Variants in TUSC3 observed in about 807,000 individuals in gnomAD.
The protein encoded by TUSC3 is dolichyl-diphosphooligosaccharide--protein glycosyltransferase subunit TUSC3.
A neutral mutation model predicts 44.8 loss-of-function variants in TUSC3; 45 were observed. The observed-to-expected ratio is 1.00, with a 90% confidence interval of 0.79 to 1.29. The LOEUF is 1.29. TUSC3 is among the 50% of genes most tolerant of loss of function. The probability of loss-of-function intolerance (pLI) is 0.00; values close to 1 mark genes in which losing one functional copy is unlikely to be tolerated. For missense variants in TUSC3, 519 were observed against 437.9 expected (o/e 1.19, Z -1.65); for synonymous variants, 212 against 152.9 (o/e 1.39, Z -2.85).
rs1040682212 is a variant in TUSC3, at chr8:15,544,981, G to A, written c.138+4413G>A. Among the ~76,000 whole-genome samples the A allele has an allele frequency of 1.1e-4, 17 of 151,780 alleles. 1 individual carries two copies. Among genetic ancestry groups the A allele is most frequent in the Non-Finnish European group, 2.5e-4 (17 of 67,894 alleles). ...TGAAGGATAGTTTATTATAGCAATA[G>A]AATGGTCTTTATGTACATATGGTTC... On this transcript the variant is annotated intron_variant, in intron 1 of 10. Coordinates refer to ENST00000503731, the MANE Select transcript of TUSC3 (RefSeq NM_006765.4).
At chr8:15,812,371 C>T in the TUSC3 span, among the ~76,000 whole-genome samples, 1 of 152,148 alleles carries the variant, frequency 6.6e-6, no homozygotes, top group Non-Finnish European at 1.5e-5. Context: ...TGAAAGTGCA[C>T]ATATTGATAA....
chr8:15,795,654 G>C, the TUSC3 span, among the ~76,000 whole-genome samples: 1 of 152,182 alleles, frequency 6.6e-6, no homozygotes, highest in Non-Finnish European at 1.5e-5. Flanking sequence ...CAGTTCTCAC[G>C]AGGACACAGA....
intron 1 of TUSC3, among the ~76,000 whole-genome samples, chr8:15,581,670 C>T (rs1165184307): frequency 1.3e-5 from 2 of 148,978 alleles, no homozygotes; most frequent in East Asian, 2.0e-4. Flanking sequence ...AGGCAGTCTG[C>T]CCGTTCTCAG....
At position 15,721,778 on chromosome 8, in the gene TUSC3, G is replaced by T. The variant is rs1398344752; in HGVS notation, c.799-8888G>T. Among the ~76,000 whole-genome samples, 4 of 152,014 alleles carry T rather than the reference G, an allele frequency of 2.6e-5. No homozygotes were observed. The East Asian group carries it at 7.7e-4, about 29-fold the overall frequency. ...AAATTACTTAAGCAGTTCAGTCACAGGACAGACTTTTTAAAGTTTATGTTT... is the reference window on the plus strand; with the variant it reads ...AAATTACTTAAGCAGTTCAGTCACATGACAGACTTTTTAAAGTTTATGTTT... On this transcript the variant is annotated intron_variant, in intron 6 of 10. Coordinates refer to ENST00000503731, the MANE Select transcript of TUSC3 (RefSeq NM_006765.4).
chr8:15,827,753 T>A, the TUSC3 span, among the ~76,000 whole-genome samples: 1 of 152,088 alleles, frequency 6.6e-6, no homozygotes, highest in South Asian at 2.1e-4. Flanking sequence ...ATACCCTGAG[T>A]CTCACTGATA....
chr8:15,679,580 A>G (rs1290775094), intron 6 of TUSC3, among the ~76,000 whole-genome samples: 3 of 152,164 alleles, frequency 2.0e-5, no homozygotes, highest in African/African-American at 4.8e-5. Context: ...TTTGCTGTGT[A>G]GAAGCTCTTC....
chr8:15,774,074 T>C, the TUSC3 span, among the ~76,000 whole-genome samples: 1 of 152,124 alleles, frequency 6.6e-6, no homozygotes, highest in Non-Finnish European at 1.5e-5. Flanking sequence ...TTTTGTGCAT[T>C]AAAAGCACTA....
intron 2 of TUSC3, among the ~76,000 whole-genome samples, chr8:15,524,054 C>T (rs1357577169): frequency 6.3e-5 from 5 of 79,046 alleles, no homozygotes; most frequent in Non-Finnish European, 1.4e-4. Flanking sequence ...GTGACTCCGT[C>T]TCAAAAAAAA....
At chr8:15,668,001 C>G (rs996853974) in intron 5 of TUSC3, among the ~76,000 whole-genome samples, 3 of 151,642 alleles carry the variant, frequency 2.0e-5, no homozygotes, top group Admixed American at 6.6e-5. Flanking sequence ...CTATGGCAAC[C>G]TCTAGATGTG....
Position 15,540,668 on chromosome 8 carries a change from C to T in TUSC3, c.138+100C>T, listed in dbSNP as rs1051987808. 5.7e-6 allele frequency: 8 copies of T among 1,400,626 alleles called. No homozygotes were observed. In the Admixed American group the frequency reaches 2.3e-4, roughly 40 times the overall value. The allele number at this position is 1,400,626 out of a possible 1,614,324, so 86.8% of individuals were successfully genotyped here. A position where few individuals can be genotyped will look rare whatever the true frequency, so the allele number is the denominator to read the frequency against. On this transcript the variant is annotated intron_variant, in intron 1 of 10. Transcript: ENST00000503731. The stretch of plus-strand genomic sequence containing the variant: ...CCGTGTTGCTAGGCAGCCTGGTCGC[C>T]GGCGTGGGCGATGCCGGCGCTGGGG...
chr8:15,644,605 A>T (rs542248120), intron 2 of TUSC3, among the ~76,000 whole-genome samples: 1 of 152,106 alleles, frequency 6.6e-6, no homozygotes, highest in African/African-American at 2.4e-5. Flanking sequence ...TCTGTCCCCT[A>T]TTAAACGTTA....
At chr8:15,761,957 G>C (rs1284812457) in intron 10 of TUSC3, among the ~76,000 whole-genome samples, 3 of 151,966 alleles carry the variant, frequency 2.0e-5, no homozygotes, top group East Asian at 3.9e-4. Flanking sequence ...AAAAATACGT[G>C]TCAGATCTTG....
At chr8:15,515,958 C>G (rs187229746) in intron 2 of TUSC3, among the ~76,000 whole-genome samples, 1 of 152,122 alleles carries the variant, frequency 6.6e-6, no homozygotes, top group African/African-American at 2.4e-5. Flanking sequence ...CATGAGCCAC[C>G]ATGCCGGGCC....
intron 6 of TUSC3, among the ~76,000 whole-genome samples, chr8:15,703,737 G>A (rs192374475): frequency 9.2e-5 from 14 of 152,078 alleles, no homozygotes; most frequent in Non-Finnish European, 1.8e-4. Flanking sequence ...AACTAATAGC[G>A]GGAGAACTCA....
chr8:15,451,181 ATG>A (rs1312974993), intron 1 of TUSC3, among the ~76,000 whole-genome samples: 3 of 152,164 alleles, frequency 2.0e-5, no homozygotes, highest in Non-Finnish European at 2.9e-5. Context: ...ACACATATAT[ATG>A]TCTTATTTCT....
At chr8:15,779,249 A>C in the TUSC3 span, among the ~76,000 whole-genome samples, 2 of 152,134 alleles carry the variant, frequency 1.3e-5, no homozygotes, top group Admixed American at 6.6e-5. Flanking sequence ...GATAGAAACT[A>C]TATGATTGGG....
rs1357079049 is a variant in TUSC3 at position 15,758,244 on chromosome 8, A to T, written c.*46+389A>T. ...ATTAACAAATAATGTAAGCCTTAAT[A>T]TTCAAGGGTAATAAAAAATACAAGT... On this transcript the variant is annotated intron_variant, in intron 10 of 10. Coordinates refer to ENST00000503731, the MANE Select transcript of TUSC3 (RefSeq NM_006765.4). 3.0e-6 allele frequency: 3 copies of T among 988,894 alleles called. No homozygotes were observed. In the African/African-American group the frequency reaches 5.2e-5, roughly 17 times the overall value. 61.3% of individuals were successfully genotyped at this position (988,894 alleles called of 1,614,324 possible).
intron 6 of TUSC3, among the ~76,000 whole-genome samples, chr8:15,721,577 T>C (rs1317988257): frequency 6.6e-6 from 1 of 152,088 alleles, no homozygotes; most frequent in Non-Finnish European, 1.5e-5. Flanking sequence ...AGCTATTCAG[T>C]TGAATTTTAA....
At chr8:15,581,394 C>A (rs943157618) in intron 1 of TUSC3, among the ~76,000 whole-genome samples, 5 of 149,828 alleles carry the variant, frequency 3.3e-5, no homozygotes, top group African/African-American at 1.0e-4. Flanking sequence ...GAGAGGCGCT[C>A]TGCATTTTAG....
Sources: allele counts gnomAD v4.1 joint callset (sites outside exome capture counted in the v4.1 genomes callset), GRCh38; gene constraint gnomAD v4.1.1; transcripts MANE v1.5; gene names NCBI Gene and HGNC (gene_info 2026-07-23, HGNC 2026-07-21).